Variants in SLC22A16 observed in about 807,000 individuals in gnomAD.
SLC22A16 encodes the protein WUGSC:RG331P03.1.
In SLC22A16, 53 loss-of-function variants were observed where a neutral mutation model predicts 52.9. The ratio of observed to expected loss-of-function variants is 1.00; its 90% CI spans 0.80 to 1.26. The LOEUF is 1.26. Among genes scored for constraint, SLC22A16 ranks in the 50% most tolerant of loss-of-function variants. The pLI, the probability that SLC22A16 is intolerant of heterozygous loss-of-function variation, is 0.00. For synonymous variants in SLC22A16, 291 were observed against 268.8 expected, an observed-to-expected ratio of 1.08 and a Z score of -0.81; for missense variants, 726 against 704.0, an observed-to-expected ratio of 1.03 and a Z score of -0.35.
Position 110,424,824 on chromosome 6 carries a change from G to T in SLC22A16, c.*49C>A. 2 of 1,604,170 alleles carry T rather than the reference G, an allele frequency of 1.2e-6. No individual in the cohort carries two copies. The highest frequency in any genetic ancestry group is 1.1e-5 in the South Asian group (1 of 90,382). On this transcript the variant is annotated 3_prime_UTR_variant, in exon 8 of 8. Coordinates refer to ENST00000368919, the MANE Select transcript of SLC22A16 (RefSeq NM_033125.4). ...AGAATAAGATTCCTCTAATACAAAG[G>T]CATTAGGGTAAATAATATTTCAGGT...
At chr6:110,476,103 C>A in intron 1 of SLC22A16, 1 of 425,156 alleles carries the variant, frequency 2.4e-6, no homozygotes, top group Non-Finnish European at 4.6e-6. Flanking sequence ...TACGGAGGCG[C>A]AGGGCAGAAC....
rs1491214868 is a variant in SLC22A16 at position 110,454,830 on chromosome 6, A to ATG, written c.533+1707_533+1708insCA. On this transcript the variant is annotated intron_variant, in intron 2 of 7. Coordinates refer to ENST00000368919, the MANE Select transcript of SLC22A16 (RefSeq NM_033125.4). ...ATATATTATATATGTTATATTATAT[A>ATG]ATATATATATTATAATATATATAAT... 9.8e-4 allele frequency among the ~76,000 whole-genome samples: 64 copies of ATG among 65,532 alleles called. 4 individuals carry two copies. Among genetic ancestry groups the ATG allele is most frequent in the Admixed American group, 1.9e-3 (7 of 3,662 alleles). 43.0% of individuals were successfully genotyped at this position (65,532 alleles called of 152,430 possible). A position where few individuals can be genotyped will look rare whatever the true frequency, so the allele number is the denominator to read the frequency against.
At chr6:110,465,011 C>T (rs1370677806) in intron 1 of SLC22A16, among the ~76,000 whole-genome samples, 1 of 151,600 alleles carries the variant, frequency 6.6e-6, no homozygotes, top group Non-Finnish European at 1.5e-5. Context: ...ATGTCATTCA[C>T]CACGTAAACA....
At position 110,446,966 on chromosome 6, in the gene SLC22A16, C is replaced by T; in HGVS notation, c.558G>A (p.Trp186Ter). The change falls in exon 3 of 8, where the codon TGG becomes TGA. Residue 186 changes from tryptophan to a stop codon, truncating the protein, a stop_gained. Transcript: ENST00000368919. LOFTEE classifies it high-confidence loss of function. ...SDRLGRRVVL[W>*]ATSSSMFLFG... ...ACAAAAACATGCTACTGCTTGTGGC[C>T]CACAAGACCACCCGGCGTCCTAGCC... 6.2e-7 allele frequency: 1 copy of T among 1,613,826 alleles called. No homozygotes were observed. Among genetic ancestry groups the T allele is most frequent in the South Asian group, 1.1e-5 (1 of 91,044 alleles).
intron 2 of SLC22A16, 38 bp downstream of exon 2, chr6:110,456,500 C>T (rs760257848): frequency 3.1e-6 from 5 of 1,605,382 alleles, no homozygotes; most frequent in Non-Finnish European, 4.3e-6. Flanking sequence ...GAAAATAAAC[C>T]CTACACTGAT....
At chr6:110,447,328 G>A (rs1423534839) in intron 2 of SLC22A16, among the ~76,000 whole-genome samples, 1 of 152,066 alleles carries the variant, frequency 6.6e-6, no homozygotes, top group Non-Finnish European at 1.5e-5. Context: ...CATCTTCCCT[G>A]CCAGGCTGGC....
intron 2 of SLC22A16, 67 bp downstream of exon 2, chr6:110,456,471 T>C (rs575530123): frequency 6.5e-7 from 1 of 1,545,464 alleles, no homozygotes; most frequent in African/African-American, 1.4e-5. Flanking sequence ...ATTCCTTGTG[T>C]CCCAAGAAAA....
At chr6:110,476,265 C>T in intron 1 of SLC22A16, 1 of 1,178,322 alleles carries the variant, frequency 8.5e-7, no homozygotes, top group Non-Finnish European at 1.1e-6. Context: ...CACCAGGTCC[C>T]TCCTGCCCGG....
intron 3 of SLC22A16, among the ~76,000 whole-genome samples, chr6:110,446,312 G>A (rs932471946): frequency 7.2e-5 from 11 of 152,116 alleles, no homozygotes; most frequent in African/African-American, 2.7e-4. Context: ...TAATCTCACT[G>A]AATCCTGAGA....
At chr6:110,425,229 T>C in intron 7 of SLC22A16, 144 bp from the exon 8 acceptor site, 1 of 1,518,366 alleles carries the variant, frequency 6.6e-7, no homozygotes, top group Non-Finnish European at 8.8e-7. Context: ...GGTGAGATCT[T>C]TGGTTACTTG....
intron 2 of SLC22A16, among the ~76,000 whole-genome samples, chr6:110,451,984 G>A (rs1225516803): frequency 6.6e-6 from 1 of 152,130 alleles, no homozygotes; most frequent in African/African-American, 2.4e-5. Context: ...CTTCTATATA[G>A]CTAGACATCT....
rs577276810 is a variant in SLC22A16 at position 110,433,838 on chromosome 6, G to A, written c.1421+2014C>T. On this transcript the variant is annotated intron_variant, in intron 6 of 7. Transcript: ENST00000368919. The stretch of plus-strand genomic sequence containing the variant: ...AGGACTGCAGATAGGAAACTATTAC[G>A]GAATTTCACAGAGGGAGATCTGTGG... Among the ~76,000 whole-genome samples the A allele has an allele frequency of 1.1e-4, 16 of 152,266 alleles. No individual in the cohort carries two copies. The South Asian group carries it at 2.5e-3, about 24-fold the overall frequency.
chr6:110,465,260 G>C (rs1261214719), intron 1 of SLC22A16, among the ~76,000 whole-genome samples: 5 of 151,848 alleles, frequency 3.3e-5, no homozygotes, highest in Non-Finnish European at 4.4e-5. Context: ...CACTCTTACA[G>C]CTCCTAAATA....
chr6:110,435,138 A>G (rs1774672835), intron 6 of SLC22A16, among the ~76,000 whole-genome samples: 1 of 152,214 alleles, frequency 6.6e-6, no homozygotes, highest in South Asian at 2.1e-4. Flanking sequence ...GCCAATGATT[A>G]CTGATGTTAT....
At chr6:110,425,428 C>G (rs1454925561) in intron 7 of SLC22A16, 11 of 1,310,562 alleles carry the variant, frequency 8.4e-6, no homozygotes, top group Non-Finnish European at 9.1e-6. Flanking sequence ...TTTCCAGACC[C>G]CAGAATCTTG....
chr6:110,475,939 C>A (rs1343186858), intron 1 of SLC22A16: 1 of 456,502 alleles, frequency 2.2e-6, no homozygotes, highest in Non-Finnish European at 4.4e-6. Context: ...GATTTGAACA[C>A]CTCCTTTGCA....
rs765269945 is a variant in SLC22A16 at position 110,435,859 on chromosome 6, T to C, written c.1414A>G (p.Ile472Val). 1 of 1,599,796 alleles carries C rather than the reference T, an allele frequency of 6.3e-7. No individual in the cohort carries two copies. Among genetic ancestry groups the C allele is most frequent in the African/African-American group, 1.3e-5 (1 of 74,590 alleles). ...AAAACAATTCATCCTTACCTTACAA[T>C]GGTTGGATACAGCTCAGCTGTATAA... The part of the protein sequence containing the change: ...YLYTAELYPT[I>V]VRSLAVGSGS... Residue 472 changes from isoleucine (I) to valine (V), a missense_variant, in exon 6 of 8, where the codon ATT becomes GTT. Ile to Val is a conservative substitution (Grantham distance 29). Coordinates refer to ENST00000368919, the MANE Select transcript of SLC22A16 (RefSeq NM_033125.4).
chr6:110,466,270 A>T (rs1257420595), intron 1 of SLC22A16, among the ~76,000 whole-genome samples: 1 of 152,236 alleles, frequency 6.6e-6, no homozygotes, highest in Non-Finnish European at 1.5e-5. Context: ...AATGCAACAA[A>T]ACCAAAAATA....
At chr6:110,454,962 T>C (rs1169560352) in intron 2 of SLC22A16, among the ~76,000 whole-genome samples, 1 of 76,902 alleles carries the variant, frequency 1.3e-5, no homozygotes, top group East Asian at 3.4e-4. Context: ...ATATATTATA[T>C]ATTACATGTA....
Sources: gnomAD v4.1 joint callset for allele counts (sites outside exome capture counted in the v4.1 genomes callset) on GRCh38, gnomAD v4.1.1 for gene constraint, MANE v1.5 for transcripts, NCBI Gene and HGNC (gene_info 2026-07-23, HGNC 2026-07-21) for gene names.